Variants in RIMS1 observed in about 807,000 individuals in gnomAD.
The protein encoded by RIMS1 is regulating synaptic membrane exocytosis protein 1.
Under a neutral mutation model 214.1 loss-of-function variants are expected in RIMS1, and 83 were observed. The ratio of observed to expected loss-of-function variants is 0.39; its 90% CI spans 0.32 to 0.47. The LOEUF (loss-of-function observed/expected upper bound fraction) is 0.47, where lower values mean the gene tolerates loss of function less well. Among genes scored for constraint, RIMS1 ranks in the 20% least tolerant of loss-of-function variants. The pLI, the probability that RIMS1 is intolerant of heterozygous loss-of-function variation, is 0.99. For missense variants in RIMS1, 2,050 were observed against 2,161.8 expected (o/e 0.95, Z 1.03); for synonymous variants, 793 against 786.8 (o/e 1.01, Z -0.13).
intron 28 of RIMS1, among the ~76,000 whole-genome samples, chr6:72,327,897 T>A (rs1429323314): frequency 6.6e-6 from 1 of 151,830 alleles, no homozygotes; most frequent in African/African-American, 2.4e-5. Context: ...TCTCTGGGAT[T>A]CTTTAATTCT....
At chr6:72,023,550 A>G (rs1054858562) in intron 2 of RIMS1, among the ~76,000 whole-genome samples, 6 of 152,098 alleles carry the variant, frequency 3.9e-5, no homozygotes, top group African/African-American at 1.4e-4. Flanking sequence ...TTTAAAAAAT[A>G]GAGAAAGAGA....
chr6:72,394,908 T>G (rs867558918), intron 31 of RIMS1, among the ~76,000 whole-genome samples: 2 of 151,898 alleles, frequency 1.3e-5, no homozygotes, highest in African/African-American at 4.8e-5. Flanking sequence ...TTTTCAGAGA[T>G]AAAGTATCAT....
At chr6:72,010,790 C>T (rs542355524) in intron 2 of RIMS1, among the ~76,000 whole-genome samples, 30 of 152,190 alleles carry the variant, frequency 2.0e-4, no homozygotes, top group Admixed American at 1.0e-3. Context: ...AGGACCTCTT[C>T]AAGGAGAACT....
intron 29 of RIMS1, among the ~76,000 whole-genome samples, chr6:72,352,983 C>CTTTTTTTTTTTTTTT (rs70994123): frequency 2.3e-5 from 2 of 88,288 alleles, no homozygotes; most frequent in Admixed American, 1.5e-4. Context: ...ATTCTTTTTT[C>CTTTTTTTTTTTTTTT]TTTTTTTTTT....
chr6:72,085,486 A>G (rs889210047), intron 2 of RIMS1, among the ~76,000 whole-genome samples: 2 of 152,162 alleles, frequency 1.3e-5, no homozygotes, highest in Admixed American at 6.5e-5. Context: ...TAAATTATTC[A>G]GCATATTTTC....
At chr6:72,174,171 A>C (rs1237213284) in intron 4 of RIMS1, among the ~76,000 whole-genome samples, 1 of 151,894 alleles carries the variant, frequency 6.6e-6, no homozygotes, top group Non-Finnish European at 1.5e-5. Flanking sequence ...TTCACTTACC[A>C]CCCTTTTACA....
chr6:71,952,090 A>G (rs899930668), intron 1 of RIMS1, among the ~76,000 whole-genome samples: 1 of 152,158 alleles, frequency 6.6e-6, no homozygotes, highest in Non-Finnish European at 1.5e-5. Flanking sequence ...ACCCTGACTT[A>G]CAATGTCTAA....
At chr6:72,189,479 G>T (rs2049703053) in intron 6 of RIMS1, among the ~76,000 whole-genome samples, 2 of 152,208 alleles carry the variant, frequency 1.3e-5, no homozygotes, top group South Asian at 4.1e-4. Flanking sequence ...CTTGGCAGCA[G>T]CATTGCATGC....
intron 4 of RIMS1, among the ~76,000 whole-genome samples, chr6:72,155,791 G>T (rs2044360779): frequency 7.1e-6 from 1 of 140,314 alleles, no homozygotes; most frequent in Non-Finnish European, 1.6e-5. Context: ...CATGACATGT[G>T]GGAATTATGG....
chr6:72,259,918 G>A lies in RIMS1; in HGVS notation c.3054-787G>A, dbSNP rs556783008. 1.3e-4 allele frequency among the ~76,000 whole-genome samples: 20 copies of A among 152,158 alleles called. 1 individual carries two copies. The South Asian group carries it at 3.1e-3, about 24-fold the overall frequency. On this transcript the variant is annotated intron_variant, in intron 18 of 33. Coordinates refer to ENST00000521978, the MANE Select transcript of RIMS1 (RefSeq NM_014989.7). ...TGATAGTGGTGCTAAATAATTTTTC[G>A]CCATGGAGTCAAGGACACAAAGTAG...
chr6:72,011,696 A>C (rs1006646295), intron 2 of RIMS1, among the ~76,000 whole-genome samples: 2 of 152,266 alleles, frequency 1.3e-5, no homozygotes, highest in Non-Finnish European at 2.9e-5. Flanking sequence ...TCTCAAAAGA[A>C]GACATTTATG....
chr6:72,129,731 TA>T (rs914933061), intron 4 of RIMS1, among the ~76,000 whole-genome samples: 12 of 148,014 alleles, frequency 8.1e-5, no homozygotes, highest in Middle Eastern at 3.4e-3. Context: ...AGAAAACTGC[TA>T]AAAAAAAAAC....
intron 2 of RIMS1, among the ~76,000 whole-genome samples, chr6:72,012,761 C>T (rs923805455): frequency 2.0e-5 from 3 of 152,060 alleles, no homozygotes; most frequent in African/African-American, 7.2e-5. Context: ...TGATGTGAAG[C>T]CTTTGAGACC....
At chr6:72,368,161 C>A (rs1247505912) in intron 29 of RIMS1, among the ~76,000 whole-genome samples, 1 of 151,910 alleles carries the variant, frequency 6.6e-6, no homozygotes, top group African/African-American at 2.4e-5. Flanking sequence ...CCTCTTATTT[C>A]TTATCTGTGC....
intron 6 of RIMS1, chr6:72,213,101 A>G (rs1166105337): frequency 2.0e-6 from 3 of 1,536,728 alleles, no homozygotes; most frequent in South Asian, 2.4e-5. Flanking sequence ...CTCAAGCTGG[A>G]TTTATTTCCA....
chr6:72,139,427 T>C (rs2041815264), intron 4 of RIMS1, among the ~76,000 whole-genome samples: 1 of 152,178 alleles, frequency 6.6e-6, no homozygotes, highest in African/African-American at 2.4e-5. Context: ...TAAAAACTTC[T>C]TAAAAAGCAC....
chr6:72,300,264 T>G (rs1018722081), intron 26 of RIMS1, among the ~76,000 whole-genome samples: 1 of 151,884 alleles, frequency 6.6e-6, no homozygotes, highest in African/African-American at 2.4e-5. Flanking sequence ...CTTCAAAGGA[T>G]TTAACACATG....
At chr6:72,134,570 A>G (rs1005233427) in intron 4 of RIMS1, among the ~76,000 whole-genome samples, 1 of 152,130 alleles carries the variant, frequency 6.6e-6, no homozygotes, top group Non-Finnish European at 1.5e-5. Flanking sequence ...AAGATGATCT[A>G]TGTAACTACA....
intron 22 of RIMS1, among the ~76,000 whole-genome samples, chr6:72,273,297 G>C (rs2084373819): frequency 6.6e-6 from 1 of 152,062 alleles, no homozygotes; most frequent in South Asian, 2.1e-4. Context: ...GGTAGGACTA[G>C]ACTCCTTTGG....
Sources: allele counts gnomAD v4.1 joint callset (sites outside exome capture counted in the v4.1 genomes callset), GRCh38; gene constraint gnomAD v4.1.1; transcripts MANE v1.5; gene names NCBI Gene and HGNC (gene_info 2026-07-23, HGNC 2026-07-21).